GPC6: variants seen among roughly 807,000 people sequenced by gnomAD.
GPC6 encodes the protein glypican 6.
In GPC6, 14 loss-of-function variants were observed where a neutral mutation model predicts 55.2. The ratio of observed to expected loss-of-function variants is 0.25; its 90% CI spans 0.17 to 0.40. The LOEUF (loss-of-function observed/expected upper bound fraction) is 0.40, where lower values mean the gene tolerates loss of function less well. GPC6 is among the 10% of genes least tolerant of loss of function. The pLI, the probability that GPC6 is intolerant of heterozygous loss-of-function variation, is 1.00. For missense variants in GPC6, 641 were observed against 708.5 expected, an observed-to-expected ratio of 0.90 and a Z score of 1.08; for synonymous variants, 278 against 259.6, an observed-to-expected ratio of 1.07 and a Z score of -0.68.
intron 4 of GPC6, among the ~76,000 whole-genome samples, chr13:94,042,823 A>G (rs1013089021): frequency 1.3e-5 from 2 of 151,856 alleles, no homozygotes; most frequent in Admixed American, 6.6e-5. Flanking sequence ...TAGTATTTGC[A>G]TACTGGTGAT....
rs1881205369 is a variant in GPC6, at chr13:94,402,905, C to G, written c.1466-110C>G. ...TGAATTACCTCCACATGGCCTCTCC[C>G]CTGACAGGTGGGGATTATGGGGATT... On this transcript the variant is annotated intron_variant, in intron 8 of 8. Transcript: ENST00000377047. 4.6e-6 allele frequency: 4 copies of G among 868,118 alleles called. No homozygotes were observed. In the Admixed American group the frequency reaches 6.8e-5, roughly 15 times the overall value. The allele number at this position is 868,118 out of a possible 1,614,324, so 53.8% of individuals were successfully genotyped here.
chr13:93,357,454 A>T (rs761849315), intron 1 of GPC6, among the ~76,000 whole-genome samples: 3 of 152,218 alleles, frequency 2.0e-5, no homozygotes, highest in Non-Finnish European at 4.4e-5. Context: ...TCCTAACAAC[A>T]TTAATTTGTT....
At chr13:94,372,719 AAGG>A (rs1879626131) in intron 6 of GPC6, among the ~76,000 whole-genome samples, 1 of 152,216 alleles carries the variant, frequency 6.6e-6, no homozygotes. Flanking sequence ...ACCACAGCTC[AAGG>A]AGGCCTGCCT....
chr13:93,791,114 G>A (rs1713198090), intron 2 of GPC6, among the ~76,000 whole-genome samples: 1 of 152,130 alleles, frequency 6.6e-6, no homozygotes, highest in Admixed American at 6.5e-5. Flanking sequence ...TCTGTACATA[G>A]TGATTCATTC....
At chr13:93,822,116 G>C (rs1257596969) in intron 2 of GPC6, among the ~76,000 whole-genome samples, 1 of 151,464 alleles carries the variant, frequency 6.6e-6, no homozygotes, top group Non-Finnish European at 1.5e-5. Context: ...ACACAATATT[G>C]TCTGTATATA....
intron 1 of GPC6, among the ~76,000 whole-genome samples, chr13:93,490,032 C>A (rs1024610512): frequency 4.0e-5 from 6 of 150,676 alleles, no homozygotes; most frequent in African/African-American, 1.5e-4. Context: ...GAGAGGGCAT[C>A]CCTGTCTTGT....
chr13:93,616,638 A>C (rs1479105356), intron 2 of GPC6, among the ~76,000 whole-genome samples: 1 of 152,124 alleles, frequency 6.6e-6, no homozygotes, highest in Non-Finnish European at 1.5e-5. Context: ...CAATGTAACT[A>C]AAAAATGCTC....
In GPC6 at chr13:93,962,261, A is replaced by G. The variant is rs535568850; in HGVS notation, c.712-65468A>G. Among the ~76,000 whole-genome samples the G allele has an allele frequency of 2.6e-5, 4 of 152,060 alleles. No individual in the cohort carries two copies. The East Asian group carries it at 5.9e-4, about 22-fold the overall frequency. ...TCCTGCATAACATATTTCATCTTGA[A>G]TAAGTAATGGCATCTTTTTAACCCT... On this transcript the variant is annotated intron_variant, in intron 3 of 8. Coordinates refer to ENST00000377047, the MANE Select transcript of GPC6 (RefSeq NM_005708.5).
At chr13:94,214,062 G>A (rs948334200) in intron 4 of GPC6, among the ~76,000 whole-genome samples, 1 of 152,186 alleles carries the variant, frequency 6.6e-6, no homozygotes, top group Non-Finnish European at 1.5e-5. Context: ...AATATTGTCA[G>A]TCTCTTAGGA....
chr13:93,411,425 G>C, intron 1 of GPC6, among the ~76,000 whole-genome samples: 1 of 152,264 alleles, frequency 6.6e-6, no homozygotes. Context: ...GGCTACAGAC[G>C]TGGAGCAGAG....
rs114175068 is a variant in GPC6, at chr13:94,302,605, T to C, written c.1009-3375T>C. ...AGTATAAGACTAATACAAAAGTTTT[T>C]TTATCATTTCTAAGCAAAAACAACG... On this transcript the variant is annotated intron_variant, in intron 5 of 8. Coordinates refer to ENST00000377047, the MANE Select transcript of GPC6 (RefSeq NM_005708.5). 2.0e-3 allele frequency among the ~76,000 whole-genome samples: 308 copies of C among 152,366 alleles called. 2 individuals are homozygous for C. Among genetic ancestry groups the C allele is most frequent in the African/African-American group, 7.3e-3 (305 of 41,584 alleles).
intron 4 of GPC6, among the ~76,000 whole-genome samples, chr13:94,044,128 C>T (rs950187015): frequency 6.6e-6 from 1 of 151,738 alleles, no homozygotes. Context: ...GCCATAATCC[C>T]CTTCTTTCTA....
At chr13:93,562,860 C>T (rs895279247) in intron 2 of GPC6, among the ~76,000 whole-genome samples, 3 of 152,070 alleles carry the variant, frequency 2.0e-5, no homozygotes, top group African/African-American at 7.2e-5. Flanking sequence ...CTGTTTCATA[C>T]TTGAGGAAGT....
At chr13:93,674,252 C>A (rs1881489047) in intron 2 of GPC6, among the ~76,000 whole-genome samples, 1 of 152,048 alleles carries the variant, frequency 6.6e-6, no homozygotes, top group Non-Finnish European at 1.5e-5. Context: ...CAGTGTCATC[C>A]CATTATTTCT....
intron 1 of GPC6, among the ~76,000 whole-genome samples, chr13:93,433,900 G>C (rs1380080445): frequency 1.3e-5 from 2 of 152,292 alleles, no homozygotes; most frequent in East Asian, 3.9e-4. Flanking sequence ...TGCCACTCCG[G>C]ATCCAAACTG....
At chr13:93,233,140 A>G (rs112330657) in intron 1 of GPC6, among the ~76,000 whole-genome samples, 133 of 152,230 alleles carry the variant, frequency 8.7e-4, no homozygotes, top group African/African-American at 3.1e-3. Context: ...TTTCTCCAGT[A>G]TTATTCAATT....
intron 4 of GPC6, among the ~76,000 whole-genome samples, chr13:94,258,011 A>G (rs1891554184): frequency 6.6e-6 from 1 of 152,230 alleles, no homozygotes; most frequent in African/African-American, 2.4e-5. Flanking sequence ...TGCAAAGAAT[A>G]TGAAAGTTAA....
intron 2 of GPC6, among the ~76,000 whole-genome samples, chr13:93,676,125 AAATATATATAT>A (rs1318145542): frequency 5.0e-4 from 17 of 34,008 alleles, no homozygotes; most frequent in African/African-American, 2.5e-3. Flanking sequence ...AAAAAAAAAA[AAATATATATAT>A]ATATATATAT....
intron 1 of GPC6, among the ~76,000 whole-genome samples, chr13:93,425,019 G>A (rs1459350923): frequency 2.0e-5 from 3 of 152,090 alleles, no homozygotes; most frequent in Non-Finnish European, 2.9e-5. Flanking sequence ...GGATATACCT[G>A]TCACTTTCAG....
Sources: gnomAD v4.1 joint callset for allele counts (sites outside exome capture counted in the v4.1 genomes callset) on GRCh38, gnomAD v4.1.1 for gene constraint, MANE v1.5 for transcripts, NCBI Gene and HGNC (gene_info 2026-07-23, HGNC 2026-07-21) for gene names.